PRKCA: variants seen among roughly 807,000 people sequenced by gnomAD.
PRKCA encodes the protein protein kinase C alpha, also known as protein kinase C alpha type.
Under a neutral mutation model 87.0 loss-of-function variants are expected in PRKCA, and 27 were observed. That is an observed-to-expected ratio of 0.31 (90% CI 0.23 to 0.43). The LOEUF (loss-of-function observed/expected upper bound fraction) is 0.43, where lower values mean the gene tolerates loss of function less well. PRKCA is among the 20% of genes least tolerant of loss of function. The probability of loss-of-function intolerance (pLI) is 1.00; values close to 1 mark genes in which losing one functional copy is unlikely to be tolerated. For missense variants in PRKCA, 518 were observed against 852.3 expected, an observed-to-expected ratio of 0.61 and a Z score of 4.88; for synonymous variants, 329 against 311.1, an observed-to-expected ratio of 1.06 and a Z score of -0.61.
chr17:66,361,996 C>T (rs1408006059), intron 2 of PRKCA, among the ~76,000 whole-genome samples: 1 of 152,042 alleles, frequency 6.6e-6, no homozygotes, highest in Non-Finnish European at 1.5e-5. Context: ...CTCTATTAAG[C>T]CACTTGCGTG....
At chr17:66,761,368 C>CAAA (rs796715547) in intron 13 of PRKCA, among the ~76,000 whole-genome samples, 3 of 134,276 alleles carry the variant, frequency 2.2e-5, no homozygotes, top group Admixed American at 7.4e-5. Context: ...GACTCCGTCT[C>CAAA]AAAAAAAAAA....
intron 3 of PRKCA, among the ~76,000 whole-genome samples, chr17:66,531,515 A>T (rs1967540271): frequency 1.3e-5 from 2 of 152,122 alleles, no homozygotes; most frequent in Non-Finnish European, 2.9e-5. Context: ...TCACCTGTGG[A>T]TGTAGGCGAT....
intron 3 of PRKCA, among the ~76,000 whole-genome samples, chr17:66,538,841 A>G (rs1269362964): frequency 6.6e-6 from 1 of 152,204 alleles, no homozygotes; most frequent in East Asian, 1.9e-4. Flanking sequence ...ACTACCTGAC[A>G]GTGTAATGTG....
At chr17:66,736,540 A>T (rs1417823646) in intron 10 of PRKCA, among the ~76,000 whole-genome samples, 1 of 152,138 alleles carries the variant, frequency 6.6e-6, no homozygotes, top group Non-Finnish European at 1.5e-5. Flanking sequence ...GGCCTCCCAA[A>T]GTGCTGGGAT....
chr17:66,743,148 G>A (rs1568008258), intron 13 of PRKCA, among the ~76,000 whole-genome samples: 1 of 152,198 alleles, frequency 6.6e-6, no homozygotes, highest in Non-Finnish European at 1.5e-5. Flanking sequence ...GGCCAACGTG[G>A]TGAAACCCCA....
At chr17:66,646,871 G>T (rs1450331051) in intron 5 of PRKCA, among the ~76,000 whole-genome samples, 1 of 152,166 alleles carries the variant, frequency 6.6e-6, no homozygotes, top group African/African-American at 2.4e-5. Context: ...GGTCAAAATG[G>T]AACTGGGAAT....
chr17:66,383,018 T>G (rs1026223548), intron 2 of PRKCA, among the ~76,000 whole-genome samples: 36 of 152,218 alleles, frequency 2.4e-4, no homozygotes, highest in Admixed American at 2.2e-3. Context: ...GTGTACTTAG[T>G]TTTTTTGTAT....
At chr17:66,373,542 T>C (rs1909234765) in intron 2 of PRKCA, among the ~76,000 whole-genome samples, 2 of 152,252 alleles carry the variant, frequency 1.3e-5, no homozygotes, top group South Asian at 2.1e-4. Flanking sequence ...TGTAGGAGTT[T>C]GGTGATTTGA....
intron 3 of PRKCA, among the ~76,000 whole-genome samples, chr17:66,632,542 G>A (rs1384927686): frequency 6.6e-6 from 1 of 151,964 alleles, no homozygotes; most frequent in Non-Finnish European, 1.5e-5. Flanking sequence ...ACCACCCCCA[G>A]CTAATTTTTT....
At chr17:66,350,814 C>G (rs968592016) in intron 2 of PRKCA, among the ~76,000 whole-genome samples, 1 of 152,148 alleles carries the variant, frequency 6.6e-6, no homozygotes, top group East Asian at 1.9e-4. Context: ...CGTGAGGCAC[C>G]GTGACTAGCC....
At chr17:66,660,166 G>A (rs921514558) in intron 5 of PRKCA, among the ~76,000 whole-genome samples, 5 of 151,814 alleles carry the variant, frequency 3.3e-5, no homozygotes, top group African/African-American at 9.7e-5. Flanking sequence ...CAAAAGCATC[G>A]AAGGGAGATG....
chr17:66,648,282 A>G (rs539361875), intron 5 of PRKCA, among the ~76,000 whole-genome samples: 2 of 152,360 alleles, frequency 1.3e-5, no homozygotes, highest in Admixed American at 1.3e-4. Context: ...CGGGAATCCA[A>G]TCTGAAGATA....
At chr17:66,650,625 C>A (rs1971567972) in intron 5 of PRKCA, among the ~76,000 whole-genome samples, 1 of 152,160 alleles carries the variant, frequency 6.6e-6, no homozygotes, top group South Asian at 2.1e-4. Flanking sequence ...AAGTTTTAAA[C>A]TGAACTCTGG....
chr17:66,687,481 A>G (rs1972661501), intron 6 of PRKCA, among the ~76,000 whole-genome samples: 1 of 152,210 alleles, frequency 6.6e-6, no homozygotes, highest in African/African-American at 2.4e-5. Flanking sequence ...CAGGCCTCAG[A>G]TTATTATTAT....
chr17:66,686,938 G>A (rs1379608313), intron 5 of PRKCA, among the ~76,000 whole-genome samples, 173 bp from the exon 6 acceptor site: 1 of 152,178 alleles, frequency 6.6e-6, no homozygotes, highest in African/African-American at 2.4e-5. Context: ...TCTGCCGGTG[G>A]TGGCAGCGGG....
At chr17:66,321,193 C>T (rs538408507) in intron 2 of PRKCA, among the ~76,000 whole-genome samples, 1 of 152,258 alleles carries the variant, frequency 6.6e-6, no homozygotes, top group East Asian at 1.9e-4. Flanking sequence ...GAAAATTTTC[C>T]TTCCTATGCT....
At chr17:66,346,582 G>C (rs1369599831) in intron 2 of PRKCA, among the ~76,000 whole-genome samples, 1 of 152,076 alleles carries the variant, frequency 6.6e-6, no homozygotes, top group East Asian at 1.9e-4. Context: ...CAGATCCTAA[G>C]AGATGATCCC....
At chr17:66,519,208 G>A (rs1423765372) in intron 3 of PRKCA, among the ~76,000 whole-genome samples, 1 of 152,152 alleles carries the variant, frequency 6.6e-6, no homozygotes, top group African/African-American at 2.4e-5. Context: ...ATTGTTGAGT[G>A]AATCCAGGAA....
chr17:66,756,747 C>T (rs543250990), intron 13 of PRKCA, among the ~76,000 whole-genome samples: 11 of 152,162 alleles, frequency 7.2e-5, no homozygotes, highest in African/African-American at 2.2e-4. Flanking sequence ...CTGCAACCTC[C>T]GCCTCCTGGG....
Sources: allele counts gnomAD v4.1 joint callset (sites outside exome capture counted in the v4.1 genomes callset), GRCh38; gene constraint gnomAD v4.1.1; transcripts MANE v1.5; gene names NCBI Gene and HGNC (gene_info 2026-07-23, HGNC 2026-07-21).